Variants in PDHX observed in about 807,000 individuals in gnomAD.
PDHX encodes pyruvate dehydrogenase complex component X, also known as pyruvate dehydrogenase protein X component, mitochondrial.
PDHX carries 33 observed loss-of-function variants against 55.3 expected under a neutral mutation model. The ratio of observed to expected loss-of-function variants is 0.60; its 90% CI spans 0.45 to 0.80. PDHX has a LOEUF of 0.80. Ranked by LOEUF, PDHX falls within the 30% of genes least tolerant of loss-of-function variation. The probability of loss-of-function intolerance (pLI) is 0.00; values close to 1 mark genes in which losing one functional copy is unlikely to be tolerated. For missense variants in PDHX, 622 were observed against 619.9 expected, an observed-to-expected ratio of 1.00 and a Z score of -0.04; for synonymous variants, 226 against 219.4, an observed-to-expected ratio of 1.03 and a Z score of -0.27.
intron 10 of PDHX, 128 bp from the exon 11 acceptor site, chr11:34,994,786 T>C (rs1855823797): frequency 1.1e-6 from 1 of 944,942 alleles, no homozygotes; most frequent in Non-Finnish European, 1.7e-6. Flanking sequence ...GTTTCCTTTT[T>C]TCATTACTCA....
intron 3 of PDHX, among the ~76,000 whole-genome samples, chr11:34,950,330 A>G (rs1854726114): frequency 6.7e-6 from 1 of 149,988 alleles, no homozygotes; most frequent in South Asian, 2.1e-4. Context: ...CTCAACTCTA[A>G]TTTTTTCTTT....
intron 3 of PDHX, among the ~76,000 whole-genome samples, chr11:34,951,356 G>T (rs186617227): frequency 7.7e-4 from 117 of 152,134 alleles, no homozygotes; most frequent in African/African-American, 2.7e-3. Flanking sequence ...ACCGCGCCCG[G>T]CCTGTTTCCT....
At chr11:34,934,417 A>G (rs1854256238) in intron 2 of PDHX, among the ~76,000 whole-genome samples, 1 of 152,114 alleles carries the variant, frequency 6.6e-6, no homozygotes, top group South Asian at 2.1e-4. Flanking sequence ...TCAGGGTGGT[A>G]GGGAAGAGCC....
chr11:34,962,714 C>G lies in PDHX; in HGVS notation c.641+2196C>G, dbSNP rs183027551. 7.9e-5 allele frequency among the ~76,000 whole-genome samples: 12 copies of G among 152,138 alleles called. No homozygotes were observed. The East Asian group carries it at 2.1e-3, about 27-fold the overall frequency. On this transcript the variant is annotated intron_variant, in intron 5 of 10. Transcript: ENST00000227868. ...AAGGATGGTAGGATCTAAGAAAAGC[C>G]TCTTAAATTTGGTAATATGGTGTTC...
chr11:34,950,776 T>A (rs1399199097), intron 3 of PDHX, among the ~76,000 whole-genome samples: 3 of 151,098 alleles, frequency 2.0e-5, no homozygotes, highest in Admixed American at 6.6e-5. Flanking sequence ...AGTCTATCAT[T>A]GTTGGACATT....
chr11:34,938,069 C>A (rs970545155), intron 2 of PDHX, among the ~76,000 whole-genome samples: 3 of 152,204 alleles, frequency 2.0e-5, no homozygotes, highest in African/African-American at 2.4e-5. Flanking sequence ...AAAATATAGT[C>A]TCTCAAATTA....
intron 7 of PDHX, among the ~76,000 whole-genome samples, chr11:34,970,564 C>A (rs1381083843): frequency 2.0e-5 from 3 of 152,104 alleles, no homozygotes; most frequent in Non-Finnish European, 4.4e-5. Context: ...TCCTCTTTGT[C>A]ATATTTGAAT....
chr11:34,916,682 T>C lies in PDHX; in HGVS notation c.27T>C (p.Cys9=). The C allele has an allele frequency of 6.2e-7, 1 of 1,611,680 alleles. No individual in the cohort carries two copies. Among genetic ancestry groups the C allele is most frequent in the Non-Finnish European group, 8.5e-7 (1 of 1,179,970 alleles). Residue 9 remains cysteine (C), a synonymous_variant, in exon 1 of 11, where the codon TGT becomes TGC. Coordinates refer to ENST00000227868, the MANE Select transcript of PDHX (RefSeq NM_003477.3). MAASWRLG[C]DPRLLRYLVG... is the part of the protein sequence containing the mutation. ...TGGCGGCCTCCTGGAGGCTGGGCTGTGATCCGCGGCTGCTGCGTTATCTTG... is the reference window on the plus strand; with the variant it reads ...TGGCGGCCTCCTGGAGGCTGGGCTGCGATCCGCGGCTGCTGCGTTATCTTG...
intron 1 of PDHX, among the ~76,000 whole-genome samples, chr11:34,923,573 A>G (rs1006137472): frequency 2.6e-5 from 4 of 152,156 alleles, no homozygotes; most frequent in African/African-American, 9.7e-5. Flanking sequence ...TTTGGATAAT[A>G]GCCATCCTAA....
chr11:34,968,674 C>T (rs776444942), intron 6 of PDHX, among the ~76,000 whole-genome samples: 11 of 152,068 alleles, frequency 7.2e-5, no homozygotes, highest in Non-Finnish European at 1.5e-4. Flanking sequence ...ATTGAATTGC[C>T]TGTATAGAAG....
intron 1 of PDHX, among the ~76,000 whole-genome samples, chr11:34,927,651 G>C (rs17349298): frequency 6.6e-6 from 1 of 151,794 alleles, no homozygotes; most frequent in Admixed American, 6.6e-5. Context: ...ATCAAAAGAG[G>C]GTATGCTAGA....
At chr11:34,946,367 T>C (rs1255561246) in intron 2 of PDHX, among the ~76,000 whole-genome samples, 5 of 152,226 alleles carry the variant, frequency 3.3e-5, no homozygotes, top group Non-Finnish European at 7.3e-5. Context: ...TATTTTACAA[T>C]CTTTGACAGA....
intron 10 of PDHX, among the ~76,000 whole-genome samples, chr11:34,994,695 A>G (rs961687947): frequency 3.9e-5 from 6 of 152,160 alleles, no homozygotes; most frequent in African/African-American, 1.4e-4. Context: ...TGACTTAACT[A>G]AATTTACTTA....
At chr11:34,936,368 A>G (rs1354896711) in intron 2 of PDHX, among the ~76,000 whole-genome samples, 1 of 152,186 alleles carries the variant, frequency 6.6e-6, no homozygotes, top group Non-Finnish European at 1.5e-5. Context: ...AATGACTAAC[A>G]TCGTAATTGG....
intron 8 of PDHX, among the ~76,000 whole-genome samples, chr11:34,979,725 A>G (rs1287540550): frequency 6.6e-6 from 1 of 151,902 alleles, no homozygotes; most frequent in East Asian, 1.9e-4. Context: ...TCATTTTTGC[A>G]CTCCTTAAAT....
chr11:34,972,233 T>A (rs1300340238), intron 7 of PDHX, among the ~76,000 whole-genome samples: 1 of 149,396 alleles, frequency 6.7e-6, no homozygotes, highest in African/African-American at 2.5e-5. Flanking sequence ...CTGTTCTTTA[T>A]TTTTTTTTTC....
At chr11:34,972,456 G>A (rs1461867438) in intron 7 of PDHX, among the ~76,000 whole-genome samples, 2 of 150,842 alleles carry the variant, frequency 1.3e-5, no homozygotes, top group Non-Finnish European at 2.9e-5. Context: ...GGAGTGCAGT[G>A]GTGCGATCTC....
At position 34,944,086 on chromosome 11, in the gene PDHX, T is replaced by C. The variant is rs1054352928; in HGVS notation, c.242-3420T>C. Among the ~76,000 whole-genome samples, 56 of 148,026 alleles carry C rather than the reference T, an allele frequency of 3.8e-4. 1 individual carries two copies. Among genetic ancestry groups the C allele is most frequent in the Middle Eastern group, 7.2e-3 (2 of 278 alleles). On this transcript the variant is annotated intron_variant, in intron 2 of 10. Coordinates refer to ENST00000227868, the MANE Select transcript of PDHX (RefSeq NM_003477.3). ...TAAATATATAATACAAATATGTGTG[T>C]GTGTGTGTATATATATATAAAATAT...
At chr11:34,928,815 C>G (rs574576713) in intron 1 of PDHX, among the ~76,000 whole-genome samples, 12 of 152,262 alleles carry the variant, frequency 7.9e-5, no homozygotes, top group African/African-American at 2.9e-4. Context: ...AAGTGCACTT[C>G]CCTAATTTTA....
Sources: gnomAD v4.1 joint callset for allele counts (sites outside exome capture counted in the v4.1 genomes callset) on GRCh38, gnomAD v4.1.1 for gene constraint, MANE v1.5 for transcripts, NCBI Gene and HGNC (gene_info 2026-07-23, HGNC 2026-07-21) for gene names.